Variants in DCTN6 observed in about 807,000 individuals in gnomAD.
DCTN6 encodes the protein dynactin 6.
In DCTN6, 15 loss-of-function variants were observed where a neutral mutation model predicts 25.8. The observed-to-expected ratio is 0.58, with a 90% confidence interval of 0.39 to 0.89. The LOEUF is 0.89. Among genes scored for constraint, DCTN6 ranks in the 40% least tolerant of loss-of-function variants. The pLI, the probability that DCTN6 is intolerant of heterozygous loss-of-function variation, is 0.00. For missense variants in DCTN6, 198 were observed against 237.6 expected, an observed-to-expected ratio of 0.83 and a Z score of 1.09; for synonymous variants, 64 against 78.3, an observed-to-expected ratio of 0.82 and a Z score of 0.96.
chr8:30,174,031 G>A (rs1038764221), intron 2 of DCTN6, among the ~76,000 whole-genome samples: 13 of 152,176 alleles, frequency 8.5e-5, no homozygotes, highest in Admixed American at 8.5e-4. Context: ...GCTCAGGGCG[G>A]GGTAGACCGT....
At chr8:30,175,258 G>C in intron 3 of DCTN6, 68 bp downstream of exon 3, 15 of 1,384,510 alleles carry the variant, frequency 1.1e-5, no homozygotes, top group African/African-American at 1.4e-5. Flanking sequence ...TCAGCTGTCT[G>C]TAAGAACCTT....
At chr8:30,167,900 C>T (rs1358145415) in intron 2 of DCTN6, among the ~76,000 whole-genome samples, 1 of 151,954 alleles carries the variant, frequency 6.6e-6, no homozygotes, top group Non-Finnish European at 1.5e-5. Context: ...AGGGTTTCAC[C>T]ATGTTGGTCA....
intron 2 of DCTN6, among the ~76,000 whole-genome samples, chr8:30,173,006 C>T (rs1382631949): frequency 1.3e-5 from 2 of 152,198 alleles, no homozygotes; most frequent in Non-Finnish European, 2.9e-5. Flanking sequence ...TCCCATCTTC[C>T]ATCCTGAAAT....
rs1157485677 is a variant in DCTN6 at position 30,170,552 on chromosome 8, TAAC to T, written c.89-4530_89-4528del. Among the ~76,000 whole-genome samples the T allele has an allele frequency of 5.3e-5, 8 of 152,166 alleles. No individual in the cohort carries two copies. The South Asian group carries it at 6.2e-4, about 12-fold the overall frequency. ...TTATTAATAATGATAAAGACAGTAA[TAAC>T]AATAATAAAATAAAATACCTGCTTA... is the stretch of plus-strand genomic sequence containing the variant. On this transcript the variant is annotated intron_variant, in intron 2 of 6. Transcript: ENST00000221114.
At chr8:30,179,059 A>G (rs963340031) in intron 4 of DCTN6, among the ~76,000 whole-genome samples, 7 of 152,218 alleles carry the variant, frequency 4.6e-5, no homozygotes, top group Admixed American at 6.5e-5. Flanking sequence ...AGGAAATTCT[A>G]TATATTTATA....
In DCTN6 at chr8:30,164,044, C is replaced by T. The variant is rs1035512588; in HGVS notation, c.24-67C>T. ...TTAAACCTTGTTTTCATTACAATGT[C>T]ACGGTAGCTCCTCCAACAGTATGTT... On this transcript the variant is annotated intron_variant, in intron 1 of 6. Transcript: ENST00000221114. The T allele has an allele frequency of 7.1e-5, 96 of 1,349,724 alleles. No individual in the cohort carries two copies. The Admixed American group carries it at 1.6e-3, about 23-fold the overall frequency. The allele number at this position is 1,349,724 out of a possible 1,614,324, so 83.6% of individuals were successfully genotyped here.
At chr8:30,169,753 T>C (rs1320286262) in intron 2 of DCTN6, among the ~76,000 whole-genome samples, 1 of 152,202 alleles carries the variant, frequency 6.6e-6, no homozygotes, top group Non-Finnish European at 1.5e-5. Flanking sequence ...CACGTTTCAG[T>C]GTGCTGTTTC....
chr8:30,174,345 T>G (rs1803803515), intron 2 of DCTN6, among the ~76,000 whole-genome samples: 1 of 152,074 alleles, frequency 6.6e-6, no homozygotes, highest in Non-Finnish European at 1.5e-5. Context: ...TTTTTTTTCT[T>G]TTTTTGAGAC....
intron 3 of DCTN6, among the ~76,000 whole-genome samples, chr8:30,175,530 T>G (rs945255289): frequency 4.7e-5 from 7 of 148,732 alleles, no homozygotes; most frequent in Non-Finnish European, 8.9e-5. Flanking sequence ...CTGCAGAGTT[T>G]TTTTTTTTTT....
In DCTN6 at chr8:30,175,102, C is replaced by T. The variant is rs777402265; in HGVS notation, c.106C>T (p.His36Tyr). 15 of 1,613,952 alleles carry T rather than the reference C, an allele frequency of 9.3e-6. No individual in the cohort carries two copies. ...TTTAACAGGACCTCGGACAGTGATC[C>T]ACCCTAAAGCAAGAATTATTGCGGA... ...DVTIGPRTVIHPKARIIAEAG... is the reference protein window; with the variant it reads ...DVTIGPRTVIYPKARIIAEAG... The change falls in exon 3 of 7, where the codon CAC becomes TAC. Residue 36 changes from histidine to tyrosine, a missense_variant. Coordinates refer to ENST00000221114, the MANE Select transcript of DCTN6 (RefSeq NM_006571.4).
chr8:30,175,242 T>A, intron 3 of DCTN6, 52 bp downstream of exon 3: 1 of 1,512,104 alleles, frequency 6.6e-7, no homozygotes, highest in Non-Finnish European at 9.1e-7. Flanking sequence ...ACGGTTTTTC[T>A]TAATTTCAGC....
chr8:30,178,824 A>G (rs1197921613), intron 4 of DCTN6, among the ~76,000 whole-genome samples: 1 of 151,890 alleles, frequency 6.6e-6, no homozygotes, highest in East Asian at 1.9e-4. Context: ...GTGCCCAGCT[A>G]ATTTTATTTT....
At chr8:30,178,449 G>A (rs775965548) in intron 4 of DCTN6, among the ~76,000 whole-genome samples, 39 of 136,462 alleles carry the variant, frequency 2.9e-4, no homozygotes, top group African/African-American at 9.3e-4. Flanking sequence ...GGCAATGAGC[G>A]AAACTCCGTC....
At chr8:30,168,386 T>A (rs1803716027) in intron 2 of DCTN6, among the ~76,000 whole-genome samples, 1 of 152,212 alleles carries the variant, frequency 6.6e-6, no homozygotes, top group African/African-American at 2.4e-5. Flanking sequence ...TGCATCAGAT[T>A]AAAAAGCTCC....
chr8:30,173,104 G>A lies in DCTN6; in HGVS notation c.89-1981G>A, dbSNP rs1245404434. On this transcript the variant is annotated intron_variant, in intron 2 of 6. Coordinates refer to ENST00000221114, the MANE Select transcript of DCTN6 (RefSeq NM_006571.4). ...AGCCAGAAGTGACTGAGAGATCAAG[G>A]CCACTCTTGTTATTTCTTACCAGAC... 3.3e-5 allele frequency among the ~76,000 whole-genome samples: 5 copies of A among 152,184 alleles called. No homozygotes were observed. In the South Asian group the frequency reaches 1.0e-3, roughly 32 times the overall value.
At chr8:30,161,514 A>G (rs1265853820) in intron 1 of DCTN6, among the ~76,000 whole-genome samples, 1 of 152,124 alleles carries the variant, frequency 6.6e-6, no homozygotes, top group African/African-American at 2.4e-5. Context: ...TCTTGCCTAC[A>G]GGTGCAAATT....
chr8:30,182,217 G>T lies in DCTN6; in HGVS notation c.475-858G>T, dbSNP rs1231641969. Among the ~76,000 whole-genome samples the T allele has an allele frequency of 2.0e-5, 3 of 152,130 alleles. No individual in the cohort carries two copies. In the East Asian group the frequency reaches 5.8e-4, roughly 29 times the overall value. On this transcript the variant is annotated intron_variant, in intron 6 of 6. Coordinates refer to ENST00000221114, the MANE Select transcript of DCTN6 (RefSeq NM_006571.4). ...CACTAATCATAAGGATTATGTAGAG[G>T]TCTTTATTCAAAATAAAGATTCCCC...
chr8:30,181,657 G>A (rs968261790), intron 6 of DCTN6, among the ~76,000 whole-genome samples: 3 of 152,058 alleles, frequency 2.0e-5, no homozygotes, highest in Non-Finnish European at 2.9e-5. Flanking sequence ...GCCAAGGCGG[G>A]CGGATCACTT....
intron 6 of DCTN6, among the ~76,000 whole-genome samples, chr8:30,182,800 C>T (rs1803927089): frequency 6.6e-6 from 1 of 151,878 alleles, no homozygotes; most frequent in Non-Finnish European, 1.5e-5. Context: ...TCAAACAATC[C>T]ACCTGCACCC....
Sources: allele counts gnomAD v4.1 joint callset (sites outside exome capture counted in the v4.1 genomes callset), GRCh38; gene constraint gnomAD v4.1.1; transcripts MANE v1.5; gene names NCBI Gene and HGNC (gene_info 2026-07-23, HGNC 2026-07-21).